Variants in DNAH3 observed in about 807,000 individuals in gnomAD.
DNAH3 encodes axonemal beta dynein heavy chain 3.
In DNAH3, 332 loss-of-function variants were observed where a neutral mutation model predicts 432.5. That is an observed-to-expected ratio of 0.77 (90% CI 0.70 to 0.84). The LOEUF (loss-of-function observed/expected upper bound fraction) is 0.84, where lower values mean the gene tolerates loss of function less well. DNAH3 is among the 40% of genes least tolerant of loss of function. The pLI, the probability that DNAH3 is intolerant of heterozygous loss-of-function variation, is 0.00. For missense variants in DNAH3, 4,861 were observed against 5,114.0 expected (o/e 0.95, Z 1.51); for synonymous variants, 1,956 against 1,900.2 (o/e 1.03, Z -0.76).
chr16:20,970,062 C>T, intron 51 of DNAH3, 72 bp from the exon 52 acceptor site: 1 of 1,398,102 alleles, frequency 7.2e-7, no homozygotes, highest in Middle Eastern at 2.1e-4. Context: ...CAGAGCTCCA[C>T]TCCTACATGA....
intron 31 of DNAH3, among the ~76,000 whole-genome samples, chr16:21,048,548 A>G (rs984369897): frequency 8.5e-4 from 130 of 152,206 alleles, no homozygotes; most frequent in Admixed American, 1.7e-3. Context: ...CGCACGGTGC[A>G]CGCACCCACT....
At chr16:21,083,799 G>A (rs78015033) in intron 19 of DNAH3, among the ~76,000 whole-genome samples, 1 of 152,106 alleles carries the variant, frequency 6.6e-6, no homozygotes, top group African/African-American at 2.4e-5. Flanking sequence ...CTGTCCCCAG[G>A]GCGGCCTGTG....
At chr16:20,978,256 G>A (rs1002062828) in intron 50 of DNAH3, among the ~76,000 whole-genome samples, 3 of 152,118 alleles carry the variant, frequency 2.0e-5, no homozygotes, top group African/African-American at 4.8e-5. Context: ...GTGGCCGGGC[G>A]GGTGGCTCAT....
intron 20 of DNAH3, among the ~76,000 whole-genome samples, chr16:21,077,474 T>C (rs769164107): frequency 4.0e-4 from 61 of 152,092 alleles, no homozygotes; most frequent in Non-Finnish European, 7.9e-4. Context: ...GTATTCTGAT[T>C]TCTTATTCAG....
Position 21,062,650 on chromosome 16 carries a change from T to TTGGA in DNAH3, c.3551_3552insTCCA (p.Glu1184AspfsTer22). 1.2e-6 allele frequency: 2 copies of TTGGA among 1,613,892 alleles called. No homozygotes were observed. Among genetic ancestry groups the TTGGA allele is most frequent in the Non-Finnish European group, 1.7e-6 (2 of 1,179,812 alleles). Reference sequence around the variant, plus strand: ...GAGGGTCCTTTGTCTCGGACAAGATTTCCAGCAGCTCATCGTTTGATAGGA... The same window carrying TTGGA: ...GAGGGTCCTTTGTCTCGGACAAGATTTGGATCCAGCAGCTCATCGTTTGATAGGA... On this transcript the variant is annotated frameshift_variant, in exon 25 of 62. Coordinates refer to ENST00000261383, the Ensembl canonical transcript of DNAH3. LOFTEE classifies it high-confidence loss of function.
chr16:21,024,487 GC>G (rs1193596177), intron 39 of DNAH3, 108 bp downstream of exon 39: 7 of 715,772 alleles, frequency 9.8e-6, no homozygotes, highest in Middle Eastern at 3.9e-4. Context: ...GGAATTCCCT[GC>G]CCCTTGTTGC....
chr16:21,099,279 T>TGGAC (rs2091775414), intron 16 of DNAH3, among the ~76,000 whole-genome samples: 1 of 151,804 alleles, frequency 6.6e-6, no homozygotes, highest in Non-Finnish European at 1.5e-5. Context: ...GATGGACAGA[T>TGGAC]GGATGGATGG....
intron 32 of DNAH3, among the ~76,000 whole-genome samples, chr16:21,041,404 T>C (rs1391270523): frequency 6.6e-6 from 1 of 152,022 alleles, no homozygotes; most frequent in Non-Finnish European, 1.5e-5. Flanking sequence ...TGGATCCAAA[T>C]TCTATCTTGG....
chr16:20,982,947 G>A (rs1030324437), intron 48 of DNAH3, 61 bp from the exon 49 acceptor site: 2 of 1,596,514 alleles, frequency 1.3e-6, no homozygotes, highest in South Asian at 1.1e-5. Context: ...CAAGGAGGCA[G>A]GCGGGTATTC....
intron 23 of DNAH3, among the ~76,000 whole-genome samples, chr16:21,068,333 G>T (rs867932214): frequency 3.9e-5 from 5 of 129,678 alleles, no homozygotes; most frequent in East Asian, 2.4e-4. Flanking sequence ...GGTGGGGGGG[G>T]GGACAGAGTC....
chr16:20,964,306 T>C lies in DNAH3; in HGVS notation c.9578A>G (p.Asn3193Ser), dbSNP rs59078097. Residue 3193 changes from asparagine (N) to serine (S), a missense_variant, in exon 53 of 62, where the codon AAC (asparagine) becomes AGC (serine). Transcript: ENST00000261383. The stretch of plus-strand genomic sequence containing the variant: ...GAGACCCAAGGGGGTGATCATGAAG[T>C]TGAGGAGACAGACCTTCACGGCAAC... 1.7e-4 allele frequency: 269 copies of C among 1,614,132 alleles called. 3 individuals carry two copies. In the East Asian group the frequency reaches 6.0e-3, roughly 36 times the overall value.
At chr16:20,963,601 G>A (rs1466688098) in exon 53 of DNAH3, 2 of 1,613,996 alleles carry the variant, frequency 1.2e-6, no homozygotes, top group East Asian at 4.5e-5. Flanking sequence ...TTTGGGTAAG[G>A]CAGATGCACG....
intron 14 of DNAH3, among the ~76,000 whole-genome samples, chr16:21,111,135 T>C (rs1173449782): frequency 6.6e-6 from 1 of 152,096 alleles, no homozygotes; most frequent in East Asian, 1.9e-4. Flanking sequence ...TGAGCTATGA[T>C]CAGGCCACTG....
rs116342616 is a variant in DNAH3, at chr16:21,027,954, G to A, written c.5440-827C>T. Among the ~76,000 whole-genome samples the A allele has an allele frequency of 6.0e-3, 920 of 152,284 alleles. 9 individuals carry two copies. The highest frequency in any genetic ancestry group is 0.021 in the African/African-American group (863 of 41,566). On this transcript the variant is annotated intron_variant, in intron 37 of 61. Transcript: ENST00000261383. ...CCGCATGGACTAATCCATAGCAGGA[G>A]GGACAAAAGCCTTTCCATAAATTCT... is the stretch of plus-strand genomic sequence containing the variant.
chr16:21,059,163 T>A (rs2090251817), intron 26 of DNAH3, among the ~76,000 whole-genome samples: 1 of 152,232 alleles, frequency 6.6e-6, no homozygotes, highest in Non-Finnish European at 1.5e-5. Context: ...ATATATGCAA[T>A]AAAATTTATT....
exon 50 of DNAH3, chr16:20,979,472 C>A (rs1444481794): frequency 6.2e-7 from 1 of 1,613,970 alleles, no homozygotes; most frequent in Non-Finnish European, 8.5e-7. Flanking sequence ...ATAGTTGTGT[C>A]TTCGAAGTTT....
At chr16:21,100,877 T>G (rs1233141360) in intron 16 of DNAH3, among the ~76,000 whole-genome samples, 1 of 152,214 alleles carries the variant, frequency 6.6e-6, no homozygotes, top group African/African-American at 2.4e-5. Flanking sequence ...TTTGAATTCC[T>G]CCCAGAGGGC....
chr16:21,117,259 A>T (rs780495922), exon 12 of DNAH3: 3 of 1,611,316 alleles, frequency 1.9e-6, no homozygotes, highest in Non-Finnish European at 1.7e-6. Context: ...TCAAAAAATC[A>T]GAAACAAGTT....
chr16:20,994,779 TGATATGGTTTATTTCACTTAAA>T (rs1191244078), intron 44 of DNAH3, among the ~76,000 whole-genome samples: 1 of 152,240 alleles, frequency 6.6e-6, no homozygotes, highest in African/African-American at 2.4e-5. Flanking sequence ...TTTCACTTAA[TGATATGGTTTATTTCACTTAAA>T]GACAATAACA....
Sources: allele counts gnomAD v4.1 joint callset (sites outside exome capture counted in the v4.1 genomes callset), GRCh38; gene constraint gnomAD v4.1.1; transcripts MANE v1.5; gene names NCBI Gene and HGNC (gene_info 2026-07-23, HGNC 2026-07-21).